The following ABCG2 variants were observed in gnomAD, a reference collection of about 807,000 sequenced individuals.
ABCG2 encodes the protein broad substrate specificity ATP-binding cassette transporter ABCG2.
ABCG2 carries 80 observed loss-of-function variants against 73.5 expected under a neutral mutation model. That is an observed-to-expected ratio of 1.09 (90% CI 0.91 to 1.31). The LOEUF is 1.31. Ranked by LOEUF, ABCG2 falls within the 50% of genes most tolerant of loss-of-function variation. The pLI is 0.00. For missense variants in ABCG2, 796 were observed against 786.2 expected (o/e 1.01, Z -0.15); for synonymous variants, 269 against 282.4 (o/e 0.95, Z 0.48).
At chr4:88,106,556 A>G (rs1357738401) in intron 10 of ABCG2, among the ~76,000 whole-genome samples, 2 of 152,238 alleles carry the variant, frequency 1.3e-5, no homozygotes, top group Non-Finnish European at 2.9e-5. Flanking sequence ...AGGGTCTTAG[A>G]GTAGTCAAGT....
chr4:88,221,716 C>G (rs2110131292), intron 1 of ABCG2, among the ~76,000 whole-genome samples: 1 of 152,264 alleles, frequency 6.6e-6, no homozygotes, highest in South Asian at 2.1e-4. Flanking sequence ...CCCTAGAGAT[C>G]TGTGGAACTT....
rs1477028330 is a variant in ABCG2 at position 88,113,496 on chromosome 4, T to C, written c.1001A>G (p.Glu334Gly). The C allele has an allele frequency of 6.2e-7, 1 of 1,614,170 alleles. No homozygotes were observed. The highest frequency in any genetic ancestry group is 1.7e-5 in the Admixed American group (1 of 60,022). Reference protein sequence around the residue: ...QDKPLIEKLAEIYVNSSFYKE... With the variant: ...QDKPLIEKLAGIYVNSSFYKE... ...GTAGAAGGAGGAGTTGACATAAATC[T>C]CCGCTAATTTTTCTATGAGTGGCTT... The change falls in exon 9 of 16, where the codon GAG becomes GGG. Residue 334 changes from glutamate (E) to glycine (G), a missense_variant. Physicochemically the swap from Glu to Gly is moderately conservative, Grantham distance 98. Transcript: ENST00000237612.
chr4:88,180,615 G>T (rs1312840757), intron 1 of ABCG2, among the ~76,000 whole-genome samples: 6 of 152,100 alleles, frequency 3.9e-5, no homozygotes, highest in Non-Finnish European at 8.8e-5. Context: ...GGAAATGGTG[G>T]TGTGCACCTG....
intron 1 of ABCG2, among the ~76,000 whole-genome samples, chr4:88,206,724 T>C (rs904776484): frequency 6.6e-6 from 1 of 152,220 alleles, no homozygotes; most frequent in African/African-American, 2.4e-5. Context: ...CTCCATGAAG[T>C]GTTTCTTCAC....
intron 15 of ABCG2, among the ~76,000 whole-genome samples, chr4:88,092,909 C>T (rs1197066431): frequency 6.6e-6 from 1 of 152,156 alleles, no homozygotes; most frequent in African/African-American, 2.4e-5. Context: ...AATTCCAAAA[C>T]CAGGAAAAGA....
At chr4:88,211,104 T>TA (rs931656608) in intron 1 of ABCG2, among the ~76,000 whole-genome samples, 117 of 149,814 alleles carry the variant, frequency 7.8e-4, no homozygotes, top group Non-Finnish European at 1.2e-3. Flanking sequence ...AATTAAAAAA[T>TA]AAAAAAAATA....
intron 1 of ABCG2, among the ~76,000 whole-genome samples, chr4:88,157,430 G>A (rs377641181): frequency 6.6e-6 from 1 of 152,150 alleles, no homozygotes; most frequent in African/African-American, 2.4e-5. Context: ...AATAAAGTCT[G>A]TAGTTTAGTT....
At chr4:88,098,651 G>GATAT (rs1469692738) in intron 12 of ABCG2, among the ~76,000 whole-genome samples, 2 of 149,354 alleles carry the variant, frequency 1.3e-5, no homozygotes, top group Non-Finnish European at 3.0e-5. Flanking sequence ...GGGAGAGATA[G>GATAT]ATAGATAGAT....
At position 88,090,366 on chromosome 4, in the gene ABCG2, C is replaced by T. The variant is rs1379526542; in HGVS notation, c.*1868G>A. 6.6e-6 allele frequency: 1 copy of T among 151,864 alleles called. No individual in the cohort carries two copies. Among genetic ancestry groups the T allele is most frequent in the African/African-American group, 2.4e-5 (1 of 41,330 alleles). 9.4% of individuals were successfully genotyped at this position (151,864 alleles called of 1,614,324 possible). ...GTAAAAAGTATAGATAGATATTTCT[C>T]TCTGTGTAATAAGGGAAGGGTATAT... On this transcript the variant is annotated 3_prime_UTR_variant, in exon 16 of 16. Transcript: ENST00000237612.
intron 2 of ABCG2, among the ~76,000 whole-genome samples, chr4:88,134,039 G>C (rs929549029): frequency 6.6e-5 from 10 of 151,960 alleles, no homozygotes; most frequent in African/African-American, 2.4e-4. Context: ...CTTCAGGGTG[G>C]GGCCTGGCTT....
intron 1 of ABCG2, among the ~76,000 whole-genome samples, chr4:88,155,522 G>A (rs1726877290): frequency 6.6e-6 from 1 of 152,060 alleles, no homozygotes; most frequent in Non-Finnish European, 1.5e-5. Flanking sequence ...GGATATGATG[G>A]CTTAGCTTGG....
chr4:88,225,117 G>A (rs1213907260), intron 1 of ABCG2, among the ~76,000 whole-genome samples: 1 of 152,084 alleles, frequency 6.6e-6, no homozygotes, highest in African/African-American at 2.4e-5. Context: ...TAAATCAGAG[G>A]TCACAGCAAG....
chr4:88,153,833 G>A (rs996945170), intron 1 of ABCG2, among the ~76,000 whole-genome samples: 38 of 152,094 alleles, frequency 2.5e-4, no homozygotes, highest in African/African-American at 8.5e-4. Context: ...GCAAAACCCC[G>A]AGCTTGATGT....
intron 5 of ABCG2, among the ~76,000 whole-genome samples, chr4:88,129,772 A>T (rs1189947457): frequency 6.6e-6 from 1 of 152,200 alleles, no homozygotes; most frequent in African/African-American, 2.4e-5. Context: ...ACAATGCAAA[A>T]AGCTCATTTT....
Position 88,219,576 on chromosome 4 carries a change from ATTTT to A in ABCG2, c.-20+11414_-20+11417del, listed in dbSNP as rs5860122. Among the ~76,000 whole-genome samples the A allele has an allele frequency of 1.5e-4, 14 of 90,898 alleles. No homozygotes were observed. In the South Asian group the frequency reaches 1.7e-3, roughly 11 times the overall value. 59.6% of individuals were successfully genotyped at this position (90,898 alleles called of 152,430 possible). On this transcript the variant is annotated intron_variant, in intron 1 of 15. Coordinates refer to the ABCG2 transcript ENST00000515655. ...CATAATATAAAAATGTACCATTCAAATTTTTTTTTTTTTTTTTTTTTTTGAGACC... is the reference window on the plus strand; with the variant it reads ...CATAATATAAAAATGTACCATTCAAATTTTTTTTTTTTTTTTTTTGAGACC...
intron 1 of ABCG2, among the ~76,000 whole-genome samples, chr4:88,143,921 G>A (rs1337905468): frequency 6.6e-6 from 1 of 152,156 alleles, no homozygotes; most frequent in African/African-American, 2.4e-5. Flanking sequence ...ATCTCAAAGT[G>A]CCCGATCTCT....
chr4:88,143,261 C>T (rs1560710151), intron 1 of ABCG2, among the ~76,000 whole-genome samples: 1 of 152,130 alleles, frequency 6.6e-6, no homozygotes, highest in Non-Finnish European at 1.5e-5. Flanking sequence ...GGACTTCACA[C>T]CTTTACTTCA....
intron 1 of ABCG2, among the ~76,000 whole-genome samples, chr4:88,221,513 T>TAGA (rs1417658641): frequency 6.6e-6 from 1 of 152,164 alleles, no homozygotes; most frequent in African/African-American, 2.4e-5. Flanking sequence ...TTGGACGGCT[T>TAGA]AGAAGACAGG....
intron 1 of ABCG2, among the ~76,000 whole-genome samples, chr4:88,200,222 G>C (rs1249897361): frequency 1.8e-4 from 27 of 152,004 alleles, no homozygotes; most frequent in Admixed American, 1.4e-3. Context: ...CAGCTACTTG[G>C]GGGGCTGAGA....
Sources: gnomAD v4.1 joint callset for allele counts (sites outside exome capture counted in the v4.1 genomes callset) on GRCh38, gnomAD v4.1.1 for gene constraint, MANE v1.5 for transcripts, NCBI Gene and HGNC (gene_info 2026-07-23, HGNC 2026-07-21) for gene names.